Variants in LRP1B observed in about 807,000 individuals in gnomAD.
LRP1B encodes the protein low-density lipoprotein receptor-related protein 1B.
A neutral mutation model predicts 556.6 loss-of-function variants in LRP1B; 217 were observed. The ratio of observed to expected loss-of-function variants is 0.39; its 90% CI spans 0.35 to 0.44. LRP1B has a LOEUF of 0.44. Among genes scored for constraint, LRP1B ranks in the 20% least tolerant of loss-of-function variants. The pLI, the probability that LRP1B is intolerant of heterozygous loss-of-function variation, is 1.00. For synonymous variants in LRP1B, 2,047 were observed against 1,865.8 expected (o/e 1.10, Z -2.50); for missense variants, 5,053 against 5,620.8 (o/e 0.90, Z 3.23).
chr2:140,233,311 T>C lies in LRP1B; in HGVS notation c.13675A>G (p.Asn4559Asp). 6.3e-7 allele frequency: 1 copy of C among 1,589,844 alleles called. No homozygotes were observed. The highest frequency in any genetic ancestry group is 8.6e-7 in the Non-Finnish European group (1 of 1,167,940). The part of the protein sequence containing the change: ...PLTAGPTNYS[N>D]PVYAKLYMDG... ...ATATATAATTTTGCATATACCGGAT[T>C]GGAGTAATTTGTTGGCTGAAGGAGA... is the stretch of plus-strand genomic sequence containing the variant. The change falls in exon 91 of 91, where the codon AAT becomes GAT. Residue 4559 changes from asparagine (N) to aspartate (D), a missense_variant. Coordinates refer to ENST00000389484, the MANE Select transcript of LRP1B (RefSeq NM_018557.3).
At chr2:140,654,384 G>A (rs187691406) in intron 41 of LRP1B, among the ~76,000 whole-genome samples, 14 of 152,080 alleles carry the variant, frequency 9.2e-5, no homozygotes, top group African/African-American at 2.7e-4. Flanking sequence ...GAAATATCTC[G>A]GTATTTAGGA....
chr2:142,091,212 C>T (rs528305381), intron 1 of LRP1B, among the ~76,000 whole-genome samples: 21 of 152,054 alleles, frequency 1.4e-4, no homozygotes, highest in African/African-American at 3.9e-4. Context: ...TTTTCAGAGA[C>T]GAACTCATTT....
chr2:140,524,540 A>G (rs141303099), intron 49 of LRP1B, among the ~76,000 whole-genome samples: 126 of 152,060 alleles, frequency 8.3e-4, no homozygotes, highest in African/African-American at 2.9e-3. Context: ...AATATATTAA[A>G]TTAATGTAGA....
At chr2:140,762,813 C>G (rs1177599879) in intron 35 of LRP1B, among the ~76,000 whole-genome samples, 3 of 152,014 alleles carry the variant, frequency 2.0e-5, no homozygotes, top group African/African-American at 7.2e-5. Context: ...AATTCAGAAG[C>G]TGAATCACAG....
At chr2:140,970,440 GT>G (rs1247480595) in intron 18 of LRP1B, among the ~76,000 whole-genome samples, 1 of 151,928 alleles carries the variant, frequency 6.6e-6, no homozygotes, top group African/African-American at 2.4e-5. Context: ...TTTTTTCAAG[GT>G]TTTTAGCTTC....
At chr2:141,449,221 T>C (rs1344299803) in intron 3 of LRP1B, among the ~76,000 whole-genome samples, 1 of 152,198 alleles carries the variant, frequency 6.6e-6, no homozygotes, top group African/African-American at 2.4e-5. Context: ...TCCTAAATTT[T>C]TGCTTAATCT....
At chr2:140,287,301 A>G (rs1683188033) in intron 84 of LRP1B, among the ~76,000 whole-genome samples, 1 of 151,876 alleles carries the variant, frequency 6.6e-6, no homozygotes, top group Non-Finnish European at 1.5e-5. Flanking sequence ...GTAAGGAGCA[A>G]TGAAATCTGG....
intron 77 of LRP1B, among the ~76,000 whole-genome samples, chr2:140,346,192 A>G (rs1238735958): frequency 6.6e-6 from 1 of 151,710 alleles, no homozygotes; most frequent in African/African-American, 2.4e-5. Context: ...TTTGGGTATG[A>G]ATGAATACAT....
intron 77 of LRP1B, among the ~76,000 whole-genome samples, chr2:140,340,451 G>A (rs13034087): frequency 0.074 from 11,231 of 151,488 alleles, 464 homozygotes; most frequent in Middle Eastern, 0.13. Flanking sequence ...TAGTTAGTGA[G>A]TGAATAATTT....
In LRP1B at chr2:140,516,879, A is replaced by G. The variant is rs768052853; in HGVS notation, c.8149+10T>C. On this transcript the variant is annotated intron_variant, in intron 50 of 90. Coordinates refer to ENST00000389484, the MANE Select transcript of LRP1B (RefSeq NM_018557.3). ...GGTTAACAAAAACTAAGCTAAATAC[A>G]ATGTCTCACCACAGTGGAATTCATC... 1 of 1,612,938 alleles carries G rather than the reference A, an allele frequency of 6.2e-7. No homozygotes were observed. The highest frequency in any genetic ancestry group is 8.5e-7 in the Non-Finnish European group (1 of 1,179,446).
intron 3 of LRP1B, among the ~76,000 whole-genome samples, chr2:141,312,036 A>T (rs1686829869): frequency 2.0e-5 from 3 of 152,318 alleles, no homozygotes; most frequent in Admixed American, 2.0e-4. Context: ...GGAGAAATGT[A>T]GGGAAAATCT....
chr2:140,748,092 AATATATATATATATAT>A (rs757456196), intron 35 of LRP1B, among the ~76,000 whole-genome samples: 11 of 6,950 alleles, frequency 1.6e-3, no homozygotes, highest in Admixed American at 5.2e-3. Context: ...AAGTCCTATG[AATATATATATATATAT>A]ATATATATAT....
At chr2:140,523,213 T>C (rs375781012) in intron 49 of LRP1B, among the ~76,000 whole-genome samples, 12 of 152,094 alleles carry the variant, frequency 7.9e-5, no homozygotes, top group African/African-American at 2.7e-4. Flanking sequence ...GTAGGCTTTA[T>C]TCCTGGGATT....
At chr2:142,120,647 C>T in intron 1 of LRP1B, among the ~76,000 whole-genome samples, 1 of 152,214 alleles carries the variant, frequency 6.6e-6, no homozygotes, top group Non-Finnish European at 1.5e-5. Context: ...TAGGCCAATG[C>T]CTGTTTCTTT....
intron 41 of LRP1B, among the ~76,000 whole-genome samples, chr2:140,611,256 C>T (rs1401536348): frequency 6.6e-6 from 1 of 152,098 alleles, no homozygotes. Context: ...TTCCTTATGC[C>T]TTGTAATAAG....
chr2:141,702,261 T>C (rs1160502263), intron 2 of LRP1B, among the ~76,000 whole-genome samples: 1 of 151,822 alleles, frequency 6.6e-6, no homozygotes, highest in Non-Finnish European at 1.5e-5. Flanking sequence ...ACAATGCTTA[T>C]AGGCAGGTGA....
intron 1 of LRP1B, among the ~76,000 whole-genome samples, chr2:141,956,874 G>A (rs1298361843): frequency 6.6e-6 from 1 of 151,926 alleles, no homozygotes; most frequent in Non-Finnish European, 1.5e-5. Flanking sequence ...ATTCTATTTA[G>A]AATAGAATTA....
intron 1 of LRP1B, among the ~76,000 whole-genome samples, chr2:141,980,369 G>C (rs945237688): frequency 1.3e-5 from 2 of 152,012 alleles, no homozygotes; most frequent in Non-Finnish European, 2.9e-5. Flanking sequence ...ACAATTACGT[G>C]GGTTTAAGTT....
intron 1 of LRP1B, among the ~76,000 whole-genome samples, chr2:142,122,024 A>G (rs1243556809): frequency 6.6e-6 from 1 of 152,206 alleles, no homozygotes; most frequent in Non-Finnish European, 1.5e-5. Context: ...AATGCAATAC[A>G]TGATACGATG....
Sources: gnomAD v4.1 joint callset for allele counts (sites outside exome capture counted in the v4.1 genomes callset) on GRCh38, gnomAD v4.1.1 for gene constraint, MANE v1.5 for transcripts, NCBI Gene and HGNC (gene_info 2026-07-23, HGNC 2026-07-21) for gene names.